SAMMSON: variants seen among roughly 807,000 people sequenced by gnomAD.
SAMMSON encodes the protein survival associated mitochondrial melanoma specific oncogenic non-coding RNA.
chr3:70,220,565 C>T (rs1701453042), intron 4 of SAMMSON, among the ~76,000 whole-genome samples: 1 of 152,120 alleles, frequency 6.6e-6, no homozygotes, highest in Non-Finnish European at 1.5e-5. Context: ...TTTCAACATA[C>T]AAAACTAACC....
chr3:70,324,578 T>C (rs1365632633), intron 7 of SAMMSON, among the ~76,000 whole-genome samples: 1 of 152,214 alleles, frequency 6.6e-6, no homozygotes, highest in Non-Finnish European at 1.5e-5. Context: ...TTCATCAAAC[T>C]TATTTGACTA....
chr3:70,318,932 T>C (rs894249210), intron 7 of SAMMSON, among the ~76,000 whole-genome samples: 1 of 152,062 alleles, frequency 6.6e-6, no homozygotes, highest in African/African-American at 2.4e-5. Context: ...ATTTTTTAGG[T>C]GTCAAATAAA....
intron 3 of SAMMSON, among the ~76,000 whole-genome samples, chr3:70,055,002 A>T (rs1162999273): frequency 6.6e-6 from 1 of 152,150 alleles, no homozygotes; most frequent in Non-Finnish European, 1.5e-5. Flanking sequence ...CTATTTGATG[A>T]TGTCAAGGAA....
chr3:70,018,012 C>T (rs901278173), intron 3 of SAMMSON, among the ~76,000 whole-genome samples: 11 of 152,198 alleles, frequency 7.2e-5, no homozygotes, highest in African/African-American at 1.9e-4. Context: ...ATTTTTGCAT[C>T]GATGTTCATC....
intron 3 of SAMMSON, among the ~76,000 whole-genome samples, chr3:70,022,215 G>A (rs931899642): frequency 2.1e-5 from 3 of 142,260 alleles, no homozygotes; most frequent in Non-Finnish European, 3.0e-5. Flanking sequence ...AAATGACAAC[G>A]TGATATTCCA....
rs535648232 is a variant in SAMMSON, at chr3:70,373,477, A to G, written n.913+15153A>G. 2.0e-4 allele frequency among the ~76,000 whole-genome samples: 31 copies of G among 152,262 alleles called. No homozygotes were observed. In the South Asian group the frequency reaches 4.3e-3, roughly 21 times the overall value. On this transcript the variant is annotated intron_variant and non_coding_transcript_variant, in intron 9 of 9. Coordinates refer to ENST00000642114, the Ensembl canonical transcript of SAMMSON. ...TTAGGTTTTCTTGTTGGGGTTTACTATAATAAGCTTCTTCAATCTGTATGT... is the reference window on the plus strand; with the variant it reads ...TTAGGTTTTCTTGTTGGGGTTTACTGTAATAAGCTTCTTCAATCTGTATGT...
chr3:70,418,951 TTTCCTTTCCTTTCCTTTCC>T (rs1211970710), intron 2 of SAMMSON, among the ~76,000 whole-genome samples: 1 of 97,924 alleles, frequency 1.0e-5, no homozygotes, highest in South Asian at 3.5e-4. Context: ...TTTCCTTTCC[TTTCCTTTCCTTTCCTTTCC>T]TTCCTTCCTT....
chr3:70,025,888 A>G (rs1039814031), intron 3 of SAMMSON, among the ~76,000 whole-genome samples: 4 of 152,188 alleles, frequency 2.6e-5, no homozygotes, highest in Non-Finnish European at 4.4e-5. Flanking sequence ...TGTTAAGTGG[A>G]AGTGAATCAT....
At chr3:70,245,472 G>A (rs1345183277) in intron 4 of SAMMSON, among the ~76,000 whole-genome samples, 2 of 151,286 alleles carry the variant, frequency 1.3e-5, no homozygotes, top group Non-Finnish European at 3.0e-5. Flanking sequence ...GCATATGGTC[G>A]ATGGCCTCTT....
At chr3:70,138,373 C>A (rs1244965451) in intron 4 of SAMMSON, among the ~76,000 whole-genome samples, 1 of 152,194 alleles carries the variant, frequency 6.6e-6, no homozygotes. Context: ...AAGGGACTGG[C>A]AGATTCAGAG....
At chr3:70,434,373 A>AT (rs1214317365) in intron 2 of SAMMSON, among the ~76,000 whole-genome samples, 1 of 152,084 alleles carries the variant, frequency 6.6e-6, no homozygotes, top group Admixed American at 6.5e-5. Context: ...TAAGTATTTA[A>AT]TTTTGTGTTA....
chr3:70,185,593 C>T (rs556082403), intron 4 of SAMMSON, among the ~76,000 whole-genome samples: 51 of 152,104 alleles, frequency 3.4e-4, no homozygotes, highest in African/African-American at 1.2e-3. Context: ...CTAGAAATTC[C>T]CTTTTCACAA....
intron 4 of SAMMSON, among the ~76,000 whole-genome samples, chr3:70,162,249 C>T (rs551836118): frequency 1.8e-4 from 27 of 151,832 alleles, no homozygotes; most frequent in African/African-American, 4.6e-4. Flanking sequence ...TGAGATCTTT[C>T]GTCTTTTTAA....
chr3:70,177,685 T>A (rs982228048), intron 4 of SAMMSON, among the ~76,000 whole-genome samples: 3 of 152,128 alleles, frequency 2.0e-5, no homozygotes, highest in African/African-American at 7.2e-5. Flanking sequence ...ACATGCACAA[T>A]CCTATGGGGT....
At chr3:70,314,179 C>G (rs183505501) in intron 7 of SAMMSON, among the ~76,000 whole-genome samples, 1 of 152,102 alleles carries the variant, frequency 6.6e-6, no homozygotes, top group Non-Finnish European at 1.5e-5. Flanking sequence ...TCCTCCTCCC[C>G]CCAGTGCAAC....
intron 6 of SAMMSON, among the ~76,000 whole-genome samples, chr3:70,254,393 C>T (rs79854349): frequency 0.023 from 3,554 of 152,154 alleles, 167 homozygotes; most frequent in African/African-American, 0.081. Context: ...ACAAGTTGTA[C>T]ATTATTATAA....
chr3:70,181,545 A>T (rs1428755592), intron 4 of SAMMSON, among the ~76,000 whole-genome samples: 2 of 152,274 alleles, frequency 1.3e-5, no homozygotes, highest in African/African-American at 2.4e-5. Flanking sequence ...CTTATCTGCA[A>T]ATTGGGAAGA....
intron 3 of SAMMSON, among the ~76,000 whole-genome samples, chr3:70,024,247 T>C (rs2067028173): frequency 6.6e-6 from 1 of 152,228 alleles, no homozygotes; most frequent in African/African-American, 2.4e-5. Flanking sequence ...TGCATGCTTT[T>C]CACTGATATA....
intron 7 of SAMMSON, among the ~76,000 whole-genome samples, chr3:70,303,143 A>G (rs557879465): frequency 6.6e-6 from 1 of 152,328 alleles, no homozygotes; most frequent in African/African-American, 2.4e-5. Flanking sequence ...AGAAAATATT[A>G]TTCCTTGTGG....
Sources: gnomAD v4.1 joint callset for allele counts (sites outside exome capture counted in the v4.1 genomes callset) on GRCh38, gnomAD v4.1.1 for gene constraint, MANE v1.5 for transcripts, NCBI Gene and HGNC (gene_info 2026-07-23, HGNC 2026-07-21) for gene names.